Variants in QTMAN observed in about 807,000 individuals in gnomAD.
QTMAN encodes the protein queuosine-tRNA mannosyltransferase.
the QTMAN span, chr2:143,942,517 T>G: frequency 6.0e-6 from 1 of 167,220 alleles, no homozygotes; most frequent in African/African-American, 2.4e-5. Flanking sequence ...GCTCTTGTGC[T>G]CTAACAGGCA....
At chr2:144,277,105 G>A in the QTMAN span, among the ~76,000 whole-genome samples, 3 of 152,224 alleles carry the variant, frequency 2.0e-5, no homozygotes, top group African/African-American at 4.8e-5. Flanking sequence ...GCCACATGTA[G>A]CTTGAGTATA....
At chr2:144,115,386 A>C in the QTMAN span, among the ~76,000 whole-genome samples, 1 of 152,338 alleles carries the variant, frequency 6.6e-6, no homozygotes, top group East Asian at 1.9e-4. Context: ...AAAGTTGGCC[A>C]ATCTTGATTC....
the QTMAN span, among the ~76,000 whole-genome samples, chr2:144,229,758 T>C: frequency 1.3e-5 from 2 of 152,178 alleles, no homozygotes; most frequent in Admixed American, 1.3e-4. Context: ...CCTCACAGAA[T>C]GAAATTACTG....
At chr2:144,300,827 T>C in the QTMAN span, among the ~76,000 whole-genome samples, 1 of 151,976 alleles carries the variant, frequency 6.6e-6, no homozygotes, top group Non-Finnish European at 1.5e-5. Flanking sequence ...AACGAGAAAA[T>C]GGTCTTGTCC....
At chr2:144,244,381 CT>C in the QTMAN span, among the ~76,000 whole-genome samples, 1 of 152,156 alleles carries the variant, frequency 6.6e-6, no homozygotes, top group African/African-American at 2.4e-5. Context: ...TGTATTGCTT[CT>C]TGGAGACATT....
chr2:144,120,539 G>T, the QTMAN span, among the ~76,000 whole-genome samples: 1 of 152,164 alleles, frequency 6.6e-6, no homozygotes, highest in Non-Finnish European at 1.5e-5. Flanking sequence ...CTGCTTTTAA[G>T]AATATCTTTA....
the QTMAN span, among the ~76,000 whole-genome samples, chr2:144,028,076 C>T: frequency 2.0e-5 from 3 of 152,076 alleles, no homozygotes; most frequent in Non-Finnish European, 4.4e-5. Context: ...AGCACTTATC[C>T]TTCCTTGGAA....
At chr2:144,260,050 G>A in the QTMAN span, among the ~76,000 whole-genome samples, 1 of 152,100 alleles carries the variant, frequency 6.6e-6, no homozygotes, top group African/African-American at 2.4e-5. Context: ...ACTTTTCACA[G>A]CAGGAAATAA....
the QTMAN span, among the ~76,000 whole-genome samples, chr2:144,034,283 T>C: frequency 2.0e-5 from 3 of 152,332 alleles, no homozygotes; most frequent in South Asian, 2.1e-4. Flanking sequence ...TTCAGCTTAA[T>C]AGCCACCACC....
the QTMAN span, among the ~76,000 whole-genome samples, chr2:144,219,416 C>A: frequency 6.6e-6 from 1 of 152,040 alleles, no homozygotes; most frequent in Non-Finnish European, 1.5e-5. Context: ...CAGGCGTAAG[C>A]CACTGTGCCC....
the QTMAN span, among the ~76,000 whole-genome samples, chr2:144,106,319 CAA>C: frequency 6.6e-6 from 1 of 152,072 alleles, no homozygotes; most frequent in Non-Finnish European, 1.5e-5. Flanking sequence ...GCAAATCGGA[CAA>C]AGAGTCAAGA....
chr2:144,157,948 T>C, the QTMAN span, among the ~76,000 whole-genome samples: 3 of 151,908 alleles, frequency 2.0e-5, no homozygotes, highest in Non-Finnish European at 2.9e-5. Flanking sequence ...TCTATGAGAG[T>C]CAAATATCTA....
the QTMAN span, chr2:143,944,986 C>T: frequency 6.6e-6 from 1 of 151,222 alleles, no homozygotes; most frequent in Non-Finnish European, 1.5e-5. Context: ...AGTATCTTAG[C>T]CACTATGAAG....
chr2:144,159,453 T>C, the QTMAN span, among the ~76,000 whole-genome samples: 1 of 152,076 alleles, frequency 6.6e-6, no homozygotes, highest in African/African-American at 2.4e-5. Context: ...TTTCTCATCA[T>C]GGGGCCGAGG....
the QTMAN span, among the ~76,000 whole-genome samples, chr2:144,059,613 G>A: frequency 5.9e-5 from 9 of 152,124 alleles, no homozygotes; most frequent in South Asian, 1.0e-3. Context: ...CCTAGTCTAC[G>A]AATTAATCAA....
At chr2:144,258,226 A>AAAAAAC in the QTMAN span, among the ~76,000 whole-genome samples, 1 of 151,492 alleles carries the variant, frequency 6.6e-6, no homozygotes. Context: ...TCTTGCAAAA[A>AAAAAAC]AAAAACAAAA....
chr2:144,331,061 G>A, the QTMAN span, among the ~76,000 whole-genome samples: 1 of 152,096 alleles, frequency 6.6e-6, no homozygotes, highest in Non-Finnish European at 1.5e-5. Context: ...CCTATTCATT[G>A]TTTTCAAGCA....
the QTMAN span, among the ~76,000 whole-genome samples, chr2:144,205,242 G>T: frequency 0.012 from 1,783 of 152,276 alleles, 26 homozygotes; most frequent in Non-Finnish European, 0.017. Context: ...GCACTTTGCA[G>T]CCTCCCATCA....
chr2:144,082,639 T>C, the QTMAN span, among the ~76,000 whole-genome samples: 1 of 152,120 alleles, frequency 6.6e-6, no homozygotes, highest in Non-Finnish European at 1.5e-5. Flanking sequence ...CCATAGCCCT[T>C]AGCAGTGATT....
Sources: allele counts gnomAD v4.1 joint callset (sites outside exome capture counted in the v4.1 genomes callset), GRCh38; gene constraint gnomAD v4.1.1; transcripts MANE v1.5; gene names NCBI Gene and HGNC (gene_info 2026-07-23, HGNC 2026-07-21).